Variants in NAV1 observed in about 807,000 individuals in gnomAD.
The protein encoded by NAV1 is neuron navigator 1.
Under a neutral mutation model 175.2 loss-of-function variants are expected in NAV1, and 18 were observed. The ratio of observed to expected loss-of-function variants is 0.10; its 90% confidence interval spans 0.07 to 0.15. NAV1 has a LOEUF of 0.15. NAV1 is among the 10% of genes least tolerant of loss of function. The pLI is 1.00. For missense variants in NAV1, 1,731 were observed against 2,436.6 expected (o/e 0.71, Z 6.10); for synonymous variants, 897 against 978.7 (o/e 0.92, Z 1.56).
At chr1:201,666,553 G>T (rs993863201) in intron 1 of NAV1, among the ~76,000 whole-genome samples, 1 of 152,130 alleles carries the variant, frequency 6.6e-6, no homozygotes, top group Non-Finnish European at 1.5e-5. Flanking sequence ...TTAAGAACTT[G>T]CCTTTATGAT....
intron 1 of NAV1, among the ~76,000 whole-genome samples, chr1:201,707,057 T>C (rs1558084566): frequency 6.6e-6 from 1 of 152,114 alleles, no homozygotes; most frequent in Non-Finnish European, 1.5e-5. Flanking sequence ...ATTGAAGATA[T>C]TGTATTGCCT....
chr1:201,787,654 T>C lies in NAV1; in HGVS notation c.2996-814T>C, dbSNP rs1000989963. 4.4e-6 allele frequency: 2 copies of C among 456,182 alleles called. No individual in the cohort carries two copies. The allele number at this position is 456,182 out of a possible 1,614,324, so 28.3% of individuals were successfully genotyped here. Reference sequence around the variant, plus strand: ...GGTGTGCCATCTTCTTCTGCACAGGTCTTTATGGACAGATTAGACATCCAC... The same window carrying C: ...GGTGTGCCATCTTCTTCTGCACAGGCCTTTATGGACAGATTAGACATCCAC... On this transcript the variant is annotated intron_variant, in intron 9 of 29. Transcript: ENST00000367296. This position sits in a 1 kb window ranked among gnomAD's most constrained non-coding sequence, Gnocchi z 4.3.
intron 1 of NAV1, among the ~76,000 whole-genome samples, chr1:201,568,753 ATG>A (rs1220979541): frequency 1.3e-5 from 2 of 152,210 alleles, no homozygotes; most frequent in African/African-American, 4.8e-5. Context: ...GTCCCACAGT[ATG>A]TGCTCGGGAA....
chr1:201,625,123 A>G (rs1245696955), intron 1 of NAV1, among the ~76,000 whole-genome samples: 1 of 152,240 alleles, frequency 6.6e-6, no homozygotes, highest in Non-Finnish European at 1.5e-5. Flanking sequence ...ACATCGACAT[A>G]CAAAAACACA....
intron 3 of NAV1, chr1:201,723,719 CA>C (rs1158986193): frequency 6.6e-6 from 1 of 152,228 alleles, no homozygotes; most frequent in African/African-American, 2.4e-5. Flanking sequence ...GTATCCCTGA[CA>C]GACAGTCTTT....
intron 1 of NAV1, among the ~76,000 whole-genome samples, chr1:201,587,188 G>A (rs576062456): frequency 1.3e-5 from 2 of 151,988 alleles, no homozygotes; most frequent in South Asian, 2.1e-4. Context: ...TCCTGCCTGG[G>A]CAACAGAGCA....
intron 1 of NAV1, among the ~76,000 whole-genome samples, chr1:201,700,865 G>A (rs571520680): frequency 2.6e-5 from 4 of 151,732 alleles, no homozygotes; most frequent in African/African-American, 9.7e-5. Flanking sequence ...CAAAAAATTA[G>A]CCAGGCGTGG....
At chr1:201,642,449 TCTCCTGAC>T (rs1442205162) in intron 2 of NAV1, among the ~76,000 whole-genome samples, 1 of 151,948 alleles carries the variant, frequency 6.6e-6, no homozygotes, top group African/African-American at 2.4e-5. Flanking sequence ...ATGGTCTCAA[TCTCCTGAC>T]CTCGTGATTC....
At chr1:201,731,557 G>T (rs1489341360) in intron 3 of NAV1, among the ~76,000 whole-genome samples, 1 of 152,118 alleles carries the variant, frequency 6.6e-6, no homozygotes, top group Admixed American at 6.5e-5. Flanking sequence ...TTCTTGTGGG[G>T]CATCTCCAGC....
upstream of NAV1, among the ~76,000 whole-genome samples, chr1:201,621,921 G>T (rs1356906368): frequency 6.6e-6 from 1 of 152,190 alleles, no homozygotes; most frequent in Non-Finnish European, 1.5e-5. Context: ...CTTTGAAATG[G>T]AAGTGATTAA....
intron 15 of NAV1, chr1:201,797,636 A>G (rs1330377777): frequency 1.3e-5 from 2 of 152,210 alleles, no homozygotes; most frequent in African/African-American, 4.8e-5. Flanking sequence ...CAATCCATGA[A>G]CAGGCATGCC....
At chr1:201,632,929 C>T (rs992337402) in intron 2 of NAV1, among the ~76,000 whole-genome samples, 3 of 152,212 alleles carry the variant, frequency 2.0e-5, no homozygotes, top group Non-Finnish European at 2.9e-5. Flanking sequence ...TCTAAGAGAA[C>T]TTGCAAAGCT....
intron 3 of NAV1, among the ~76,000 whole-genome samples, chr1:201,755,869 G>A (rs957773856): frequency 2.6e-5 from 4 of 152,170 alleles, no homozygotes; most frequent in African/African-American, 9.7e-5. Context: ...CACTTTGGGA[G>A]GCTAAGGTGG....
At chr1:201,800,486 A>T (rs1354379633) in intron 15 of NAV1, among the ~76,000 whole-genome samples, 1 of 152,212 alleles carries the variant, frequency 6.6e-6, no homozygotes, top group Non-Finnish European at 1.5e-5. Context: ...TAATTTACAT[A>T]ATGTCTGTGG....
chr1:201,566,137 G>A (rs965299321), intron 1 of NAV1, among the ~76,000 whole-genome samples: 4 of 152,030 alleles, frequency 2.6e-5, no homozygotes, highest in Admixed American at 2.0e-4. Context: ...GTTTCCTCCC[G>A]ACACATACAC....
chr1:201,564,954 G>C (rs996862618), intron 1 of NAV1, among the ~76,000 whole-genome samples: 1 of 152,186 alleles, frequency 6.6e-6, no homozygotes, highest in Non-Finnish European at 1.5e-5. Flanking sequence ...AAGGTTCTCT[G>C]CTTTTAAGGA....
chr1:201,729,988 C>T (rs938060760), intron 3 of NAV1, among the ~76,000 whole-genome samples: 8 of 152,268 alleles, frequency 5.3e-5, no homozygotes, highest in African/African-American at 1.9e-4. Context: ...CTTGGTTACT[C>T]CTAGAAAACC....
rs569965207 is a variant in NAV1 at position 201,696,012 on chromosome 1, G to A, written c.758-16805G>A. 1.4e-3 allele frequency among the ~76,000 whole-genome samples: 211 copies of A among 152,356 alleles called. 2 individuals are homozygous for A. Among genetic ancestry groups the A allele is most frequent in the African/African-American group, 5.0e-3 (208 of 41,582 alleles). On this transcript the variant is annotated intron_variant, in intron 1 of 29. Transcript: ENST00000367296. ...AAACTGAAGCCCACAAAGGCTGAGC[G>A]GCTTGCTCCTGGGCATCGGAAGAAG...
At position 201,780,673 on chromosome 1, in the gene NAV1, T is replaced by C. The variant is rs1048206088; in HGVS notation, c.1365+114T>C. 5.3e-5 allele frequency: 75 copies of C among 1,412,782 alleles called. No individual in the cohort carries two copies. The Admixed American group carries it at 1.4e-3, about 26-fold the overall frequency. 87.5% of individuals were successfully genotyped at this position (1,412,782 alleles called of 1,614,324 possible). On this transcript the variant is annotated intron_variant, in intron 4 of 29. Coordinates refer to ENST00000367296, the Ensembl canonical transcript of NAV1. ...ACCCACTCCATGGGATTGGTTCTCATAGGCCTTTGGCCAGGTCATTTTAGA... is the reference window on the plus strand; with the variant it reads ...ACCCACTCCATGGGATTGGTTCTCACAGGCCTTTGGCCAGGTCATTTTAGA...
Sources: gnomAD v4.1 joint callset for allele counts (sites outside exome capture counted in the v4.1 genomes callset) on GRCh38, gnomAD v4.1.1 for gene constraint, Gnocchi (gnomAD v3.1) non-coding constraint, MANE v1.5 for transcripts, NCBI Gene and HGNC (gene_info 2026-07-23, HGNC 2026-07-21) for gene names.